ANKRD13D: variants seen among roughly 807,000 people sequenced by gnomAD.
ANKRD13D encodes the protein ankyrin repeat domain 13D.
In ANKRD13D, 24 loss-of-function variants were observed where a neutral mutation model predicts 68.8. That is an observed-to-expected ratio of 0.35 (90% CI 0.25 to 0.49). The LOEUF is 0.49. Among genes scored for constraint, ANKRD13D ranks in the 20% least tolerant of loss-of-function variants. The probability of loss-of-function intolerance (pLI) is 0.99; values close to 1 mark genes in which losing one functional copy is unlikely to be tolerated. For synonymous variants in ANKRD13D, 331 were observed against 336.1 expected (o/e 0.98, Z 0.16); for missense variants, 735 against 832.1 (o/e 0.88, Z 1.44).
chr11:67,297,666 T>C (rs4244821), intron 6 of ANKRD13D, among the ~76,000 whole-genome samples: 138,681 of 151,964 alleles, frequency 0.91, 63,753 homozygotes, highest in South Asian at 0.97. Context: ...GCTGGGACTA[T>C]AGGCGCCTGC....
chr11:67,289,736 C>T (rs1323456538), intron 1 of ANKRD13D, 186 bp downstream of exon 1: 5 of 1,405,146 alleles, frequency 3.6e-6, no homozygotes, highest in Middle Eastern at 1.8e-4. Context: ...GGCCTCCTCT[C>T]CCCTGCGCTG....
In ANKRD13D at chr11:67,300,756, G is replaced by A; in HGVS notation, c.1074-234G>A. 3.4e-6 allele frequency: 2 copies of A among 590,342 alleles called. No homozygotes were observed. Among genetic ancestry groups the A allele is most frequent in the Non-Finnish European group, 3.0e-6 (1 of 335,242 alleles). The allele number at this position is 590,342 out of a possible 1,614,324, so 36.6% of individuals were successfully genotyped here. A position where few individuals can be genotyped will look rare whatever the true frequency, so the allele number is the denominator to read the frequency against. Reference sequence around the variant, plus strand: ...CCTGGCCTCCTTGTCCAGACCAGATGAGCTGGTACGAAATCCTCAGGAGCC... The same window carrying A: ...CCTGGCCTCCTTGTCCAGACCAGATAAGCTGGTACGAAATCCTCAGGAGCC... On this transcript the variant is annotated intron_variant, in intron 10 of 14. Coordinates refer to ENST00000511455, the MANE Select transcript of ANKRD13D (RefSeq NM_207354.3). This position sits in a 1 kb window ranked among gnomAD's most constrained non-coding sequence, Gnocchi z 4.3.
chr11:67,294,547 GT>G (rs1014060415), intron 6 of ANKRD13D, among the ~76,000 whole-genome samples: 13 of 143,904 alleles, frequency 9.0e-5, no homozygotes, highest in East Asian at 2.0e-4. Context: ...TTGTTTTTTT[GT>G]TTTTTTTTTT....
At chr11:67,292,287 T>C in intron 6 of ANKRD13D, 107 bp downstream of exon 6, 1 of 1,314,800 alleles carries the variant, frequency 7.6e-7, no homozygotes, top group Non-Finnish European at 1.0e-6. Flanking sequence ...GCCTCTGGGC[T>C]CACTCACAAG....
chr11:67,290,565 AAGG>A, intron 3 of ANKRD13D, 119 bp downstream of exon 3: 1 of 1,416,442 alleles, frequency 7.1e-7, no homozygotes, highest in Non-Finnish European at 9.4e-7. Flanking sequence ...TGCCACCAGC[AAGG>A]AGGTCTGTCT....
Position 67,289,338 on chromosome 11 carries a change from C to A in ANKRD13D, c.-123C>A. 1 of 575,456 alleles carries A rather than the reference C, an allele frequency of 1.7e-6. No individual in the cohort carries two copies. The highest frequency in any genetic ancestry group is 2.2e-6 in the Non-Finnish European group (1 of 451,136). 35.6% of individuals were successfully genotyped at this position (575,456 alleles called of 1,614,324 possible). On this transcript the variant is annotated 5_prime_UTR_variant, in exon 1 of 15. Coordinates refer to ENST00000511455, the MANE Select transcript of ANKRD13D (RefSeq NM_207354.3). ...CCGCCCGCGCTGCCGCCGCCGCCGC[C>A]GCCGCCGCTACTGCTGCGGGGGCCG...
chr11:67,302,462 G>T lies in ANKRD13D; in HGVS notation c.*130G>T, dbSNP rs1351724367. 3 of 1,324,198 alleles carry T rather than the reference G, an allele frequency of 2.3e-6. No individual in the cohort carries two copies. The highest frequency in any genetic ancestry group is 3.4e-5 in the South Asian group (2 of 58,698). 82.0% of individuals were successfully genotyped at this position (1,324,198 alleles called of 1,614,324 possible). On this transcript the variant is annotated 3_prime_UTR_variant, in exon 15 of 15. Coordinates refer to ENST00000511455, the MANE Select transcript of ANKRD13D (RefSeq NM_207354.3). ...TGAGCAGGCAGGGGAGACTGAGATG[G>T]AAATAAAGAGACTGTCGCAGCAGGG... is the stretch of plus-strand genomic sequence containing the variant.
In ANKRD13D at chr11:67,302,189, G is replaced by A; in HGVS notation, c.1675G>A (p.Ala559Thr). 1.3e-6 allele frequency: 2 copies of A among 1,593,710 alleles called. No individual in the cohort carries two copies. The highest frequency in any genetic ancestry group is 1.1e-5 in the South Asian group (1 of 87,902). Reference protein sequence around the residue: ...GPGSPPRTPPAPGPPSFEEQL... With the variant: ...GPGSPPRTPPTPGPPSFEEQL... Reference sequence around the variant, plus strand: ...AGGATCCCCTCCCAGGACACCCCCAGCCCCCGGTCCACCCAGCTTTGAAGA... The same window carrying A: ...AGGATCCCCTCCCAGGACACCCCCAACCCCCGGTCCACCCAGCTTTGAAGA... The change falls in exon 15 of 15, where the codon GCC becomes ACC. Residue 559 changes from alanine to threonine, a missense_variant. Transcript: ENST00000511455.
At position 67,301,262 on chromosome 11, in the gene ANKRD13D, G is replaced by T. The variant is rs1322287409; in HGVS notation, c.1232-20G>T. The stretch of plus-strand genomic sequence containing the variant: ...CAGGTGGCTCTCCGCCAGGGCTCAG[G>T]CGTGGCTGTCTTCTCACAGAGATTC... On this transcript the variant is annotated intron_variant, in intron 11 of 14. Transcript: ENST00000511455. The surrounding 1 kb of genome is among the most constrained non-coding windows in gnomAD (Gnocchi z 4.5). 6.2e-7 allele frequency: 1 copy of T among 1,605,058 alleles called. No homozygotes were observed. The highest frequency in any genetic ancestry group is 2.2e-5 in the East Asian group (1 of 44,838).
chr11:67,302,409 C>A lies in ANKRD13D; in HGVS notation c.*77C>A, dbSNP rs1177492789. ...TTATTTATTTATAAACTCTCTGCTG[C>A]TGAGCTTGGGGCCTGGAGCCCCAGG... is the stretch of plus-strand genomic sequence containing the variant. On this transcript the variant is annotated 3_prime_UTR_variant, in exon 15 of 15. Transcript: ENST00000511455. 5 of 1,436,706 alleles carry A rather than the reference C, an allele frequency of 3.5e-6. No homozygotes were observed. Among genetic ancestry groups the A allele is most frequent in the Admixed American group, 2.8e-5 (1 of 35,196 alleles). 89.0% of individuals were successfully genotyped at this position (1,436,706 alleles called of 1,614,324 possible). A position where few individuals can be genotyped will look rare whatever the true frequency, so the allele number is the denominator to read the frequency against.
intron 6 of ANKRD13D, among the ~76,000 whole-genome samples, chr11:67,297,579 G>T (rs1214861576): frequency 6.7e-6 from 1 of 149,464 alleles, no homozygotes; most frequent in Non-Finnish European, 1.5e-5. Context: ...AGGCTGGAGT[G>T]CAGTGGCACG....
intron 6 of ANKRD13D, among the ~76,000 whole-genome samples, chr11:67,296,240 C>T (rs1860751141): frequency 6.6e-6 from 1 of 151,812 alleles, no homozygotes; most frequent in African/African-American, 2.4e-5. Flanking sequence ...TGGAAAATGT[C>T]ACCTCTTTGT....
Position 67,299,961 on chromosome 11 carries a change from T to C in ANKRD13D, c.943-32T>C. 1 of 1,597,450 alleles carries C rather than the reference T, an allele frequency of 6.3e-7. No individual in the cohort carries two copies. The highest frequency in any genetic ancestry group is 8.5e-7 in the Non-Finnish European group (1 of 1,169,720). On this transcript the variant is annotated intron_variant, in intron 9 of 14. Coordinates refer to ENST00000511455, the MANE Select transcript of ANKRD13D (RefSeq NM_207354.3). The surrounding 1 kb of genome is among the most constrained non-coding windows in gnomAD (Gnocchi z 6.2). ...GGCGGGAGGGCACCCTCTGTCACCTTGATGGCTGAGTCCGCCCTGGGACCC... is the reference window on the plus strand; with the variant it reads ...GGCGGGAGGGCACCCTCTGTCACCTCGATGGCTGAGTCCGCCCTGGGACCC...
intron 1 of ANKRD13D, 155 bp from the exon 2 acceptor site, chr11:67,289,923 C>G (rs1028810534): frequency 1.4e-6 from 2 of 1,443,604 alleles, no homozygotes; most frequent in Non-Finnish European, 1.8e-6. Flanking sequence ...GCCCCCTCCT[C>G]TCCCCTGCCA....
intron 6 of ANKRD13D, among the ~76,000 whole-genome samples, chr11:67,293,516 A>T (rs1860658018): frequency 2.0e-5 from 3 of 152,054 alleles, no homozygotes; most frequent in Non-Finnish European, 4.4e-5. Context: ...TAACTTATTT[A>T]TTTTGAGATG....
At position 67,299,724 on chromosome 11, in the gene ANKRD13D, C is replaced by T. The variant is rs145871942; in HGVS notation, c.881-103C>T. ...ATGAGCTGGGAGGCCTCCCCATTCC[C>T]GTCTGACCCCTCTTCCCCCAGACAG... On this transcript the variant is annotated intron_variant, in intron 8 of 14. Transcript: ENST00000511455. This position sits in a 1 kb window ranked among gnomAD's most constrained non-coding sequence, Gnocchi z 6.2. 342 of 1,528,034 alleles carry T rather than the reference C, an allele frequency of 2.2e-4. No individual in the cohort carries two copies. The African/African-American group carries it at 4.0e-3, about 18-fold the overall frequency. The allele number at this position is 1,528,034 out of a possible 1,614,324, so 94.7% of individuals were successfully genotyped here.
chr11:67,298,892 C>G lies in ANKRD13D; in HGVS notation c.732-166C>G, dbSNP rs1860863776. The G allele has an allele frequency of 1.8e-5, 12 of 684,122 alleles. 1 individual carries two copies. In the South Asian group the frequency reaches 2.0e-4, roughly 11 times the overall value. 42.4% of individuals were successfully genotyped at this position (684,122 alleles called of 1,614,324 possible). ...TCCCAAGTCCATGCTCAAGTGTCCC[C>G]CCCTGTCCAGGCACCCTCTTCAGGG... is the stretch of plus-strand genomic sequence containing the variant. On this transcript the variant is annotated intron_variant, in intron 6 of 14. Coordinates refer to ENST00000511455, the MANE Select transcript of ANKRD13D (RefSeq NM_207354.3).
At position 67,290,139 on chromosome 11, in the gene ANKRD13D, G is replaced by A. The variant is rs779850208; in HGVS notation, c.152G>A (p.Gly51Glu). ...RTPLELAVSL[G>E]NLESVRVLLR... is the part of the protein sequence containing the mutation. ...CCACTGGAGCTGGCCGTGTCTCTGG[G>A]AAACCTGGAGTCTGTGAGAGTGCTC... is the stretch of plus-strand genomic sequence containing the variant. Residue 51 changes from glycine (G) to glutamate (E), a missense_variant, in exon 2 of 15, where the codon GGA becomes GAA. Coordinates refer to ENST00000511455, the MANE Select transcript of ANKRD13D (RefSeq NM_207354.3). 7 of 1,537,042 alleles carry A rather than the reference G, an allele frequency of 4.6e-6. No individual in the cohort carries two copies. In the South Asian group the frequency reaches 8.3e-5, roughly 18 times the overall value.
intron 3 of ANKRD13D, chr11:67,291,220 G>A: frequency 2.1e-6 from 1 of 479,254 alleles, no homozygotes; most frequent in Non-Finnish European, 3.7e-6. Flanking sequence ...AGCTGGGAGT[G>A]GTGGCACACA....
Sources: allele counts gnomAD v4.1 joint callset (sites outside exome capture counted in the v4.1 genomes callset), GRCh38; gene constraint gnomAD v4.1.1; non-coding constraint Gnocchi (gnomAD v3.1); transcripts MANE v1.5; gene names NCBI Gene and HGNC (gene_info 2026-07-23, HGNC 2026-07-21).